Variants in EYS observed in about 807,000 individuals in gnomAD.
EYS encodes EGF-like photoreceptor maintenance factor, also known as protein eyes shut homolog.
Under a neutral mutation model 282.1 loss-of-function variants are expected in EYS, and 250 were observed. The observed-to-expected ratio is 0.89, with a 90% confidence interval of 0.80 to 0.98. EYS has a LOEUF of 0.98. Ranked by LOEUF, EYS falls within the 50% of genes least tolerant of loss-of-function variation. The pLI is 0.00. For synonymous variants in EYS, 1,355 were observed against 1,282.9 expected, an observed-to-expected ratio of 1.06 and a Z score of -1.20; for missense variants, 4,016 against 3,709.0, an observed-to-expected ratio of 1.08 and a Z score of -2.15.
At chr6:65,006,489 G>A (rs1242691247) in intron 13 of EYS, among the ~76,000 whole-genome samples, 1 of 98,396 alleles carries the variant, frequency 1.0e-5, no homozygotes, top group Non-Finnish European at 1.8e-5. Context: ...CACCAGTTCA[G>A]AGTTATTCTA....
chr6:65,485,798 C>T (rs546603686), intron 5 of EYS, among the ~76,000 whole-genome samples: 2 of 130,740 alleles, frequency 1.5e-5, no homozygotes, highest in Non-Finnish European at 3.3e-5. Context: ...AGTGAGACTG[C>T]CTCAAACAAA....
intron 35 of EYS, among the ~76,000 whole-genome samples, chr6:63,868,408 T>C (rs1445093249): frequency 1.3e-5 from 2 of 152,034 alleles, no homozygotes; most frequent in Non-Finnish European, 2.9e-5. Flanking sequence ...ATGCCAAAAA[T>C]CTTCTAGAAC....
At chr6:64,819,791 T>A in intron 21 of EYS, among the ~76,000 whole-genome samples, 1 of 152,090 alleles carries the variant, frequency 6.6e-6, no homozygotes, top group East Asian at 1.9e-4. Flanking sequence ...CCAGACTTTA[T>A]AAAAGATTTG....
chr6:64,205,686 C>CTAT (rs745706865), intron 31 of EYS, among the ~76,000 whole-genome samples: 73 of 152,124 alleles, frequency 4.8e-4, no homozygotes, highest in Non-Finnish European at 8.7e-4. Flanking sequence ...GGATATCCTG[C>CTAT]TATTTCTTAG....
intron 22 of EYS, among the ~76,000 whole-genome samples, chr6:64,692,697 C>G (rs1008773758): frequency 2.0e-5 from 3 of 152,072 alleles, no homozygotes; most frequent in Non-Finnish European, 4.4e-5. Context: ...CAGCTTCAGC[C>G]TACTACATAT....
chr6:64,448,216 AG>A (rs1251917468), intron 26 of EYS, among the ~76,000 whole-genome samples: 1 of 152,234 alleles, frequency 6.6e-6, no homozygotes, highest in Non-Finnish European at 1.5e-5. Context: ...TATATCCCGC[AG>A]GTGGCTCTGA....
chr6:65,640,377 T>C (rs1767234754), intron 1 of EYS, among the ~76,000 whole-genome samples: 1 of 151,958 alleles, frequency 6.6e-6, no homozygotes, highest in South Asian at 2.1e-4. Context: ...TTCATGAGAG[T>C]ATCTCTAAAT....
In EYS at chr6:63,789,185, T is replaced by C. The variant is rs1474267929; in HGVS notation, c.7451A>G (p.Asn2484Ser). 4 of 1,551,888 alleles carry C rather than the reference T, an allele frequency of 2.6e-6. No individual in the cohort carries two copies. The highest frequency in any genetic ancestry group is 1.4e-5 in the African/African-American group (1 of 73,150). The change falls in exon 38 of 43, where the codon AAT becomes AGT. Residue 2484 changes from asparagine to serine, a missense_variant. Transcript: ENST00000503581. ...GTTATAACTATAAACCACACTGCCA[T>C]TGAGCAGGCCCACAGCCAGGAAGTC... ...GDDFLAVGLL[N>S]GSVVYSYNLG... is the part of the protein sequence containing the mutation.
intron 40 of EYS, among the ~76,000 whole-genome samples, chr6:63,771,941 G>T (rs1769934222): frequency 6.6e-6 from 1 of 152,032 alleles, no homozygotes; most frequent in Admixed American, 6.6e-5. Context: ...AACCATAGTT[G>T]TCTTTGTTAA....
At chr6:65,572,549 A>G (rs1253513763) in intron 2 of EYS, among the ~76,000 whole-genome samples, 1 of 152,172 alleles carries the variant, frequency 6.6e-6, no homozygotes, top group Non-Finnish European at 1.5e-5. Context: ...ATGCAGGGGA[A>G]ATGAAATTAA....
chr6:65,481,915 A>G (rs1285179624), intron 5 of EYS, among the ~76,000 whole-genome samples: 1 of 152,102 alleles, frequency 6.6e-6, no homozygotes, highest in African/African-American at 2.4e-5. Flanking sequence ...CTTGGAAATA[A>G]TGTTTTGCCA....
chr6:63,925,142 C>T (rs1289188679), intron 35 of EYS, among the ~76,000 whole-genome samples: 1 of 152,142 alleles, frequency 6.6e-6, no homozygotes, highest in Admixed American at 6.6e-5. Flanking sequence ...AAGAAAGCAG[C>T]CCTGAGAATT....
intron 13 of EYS, among the ~76,000 whole-genome samples, chr6:65,029,529 G>A (rs542443711): frequency 6.6e-6 from 1 of 152,052 alleles, no homozygotes; most frequent in African/African-American, 2.4e-5. Context: ...AAATTTACAT[G>A]GAGTGTGCCT....
intron 1 of EYS, among the ~76,000 whole-genome samples, chr6:65,676,727 G>C (rs1325099494): frequency 6.6e-6 from 1 of 151,702 alleles, no homozygotes; most frequent in Admixed American, 6.6e-5. Flanking sequence ...CTTATTCTGA[G>C]ATTAAAGCTA....
At chr6:65,211,792 G>T (rs770376509) in intron 12 of EYS, among the ~76,000 whole-genome samples, 1 of 151,784 alleles carries the variant, frequency 6.6e-6, no homozygotes. Context: ...TTTTGTGTGT[G>T]TACTCCAAGG....
In EYS at chr6:65,397,389, G is replaced by C. The variant is rs116026451; in HGVS notation, c.1184+5089C>G. ...CCCTCTCCCACCATCCCACCTTTTAGAGTCTCCAATATCTATTATTTTACC... is the reference window on the plus strand; with the variant it reads ...CCCTCTCCCACCATCCCACCTTTTACAGTCTCCAATATCTATTATTTTACC... On this transcript the variant is annotated intron_variant, in intron 7 of 42. Coordinates refer to ENST00000503581, the MANE Select transcript of EYS (RefSeq NM_001142800.2). Among the ~76,000 whole-genome samples, 610 of 151,874 alleles carry C rather than the reference G, an allele frequency of 4.0e-3. 4 individuals are homozygous for C. Among genetic ancestry groups the C allele is most frequent in the African/African-American group, 0.014 (577 of 41,448 alleles).
At chr6:64,149,421 A>G (rs548629166) in intron 31 of EYS, among the ~76,000 whole-genome samples, 1 of 152,300 alleles carries the variant, frequency 6.6e-6, no homozygotes, top group East Asian at 1.9e-4. Context: ...CATGTATTTT[A>G]TATAGAGCCC....
chr6:65,678,492 CTA>C (rs1404558263), intron 1 of EYS, among the ~76,000 whole-genome samples: 10 of 151,972 alleles, frequency 6.6e-5, no homozygotes, highest in African/African-American at 1.9e-4. Flanking sequence ...AGACATGAAA[CTA>C]TAAAATTCCC....
chr6:65,365,359 T>G (rs13213993), intron 8 of EYS, among the ~76,000 whole-genome samples: 2 of 151,204 alleles, frequency 1.3e-5, no homozygotes, highest in Non-Finnish European at 2.9e-5. Context: ...AGATTGGAAA[T>G]GATTATGAAG....
Sources: gnomAD v4.1 joint callset for allele counts (sites outside exome capture counted in the v4.1 genomes callset) on GRCh38, gnomAD v4.1.1 for gene constraint, MANE v1.5 for transcripts, NCBI Gene and HGNC (gene_info 2026-07-23, HGNC 2026-07-21) for gene names.